ITPR2: variants seen among roughly 807,000 people sequenced by gnomAD.
ITPR2 encodes the protein inositol 1,4,5-trisphosphate receptor type 2.
ITPR2 carries 207 observed loss-of-function variants against 317.1 expected under a neutral mutation model. That is an observed-to-expected ratio of 0.65 (90% confidence interval 0.58 to 0.73). The LOEUF is 0.73. Ranked by LOEUF, ITPR2 falls within the 30% of genes least tolerant of loss-of-function variation. The pLI, the probability that ITPR2 is intolerant of heterozygous loss-of-function variation, is 0.00. For synonymous variants in ITPR2, 1,156 were observed against 1,149.1 expected (o/e 1.01, Z -0.12); for missense variants, 2,613 against 3,284.0 (o/e 0.80, Z 4.99).
rs767109803 is a variant in ITPR2 at position 26,487,258 on chromosome 12, G to C, written c.5371-7C>G. The C allele has an allele frequency of 6.3e-7, 1 of 1,582,698 alleles. No individual in the cohort carries two copies. ...ACTGCTGGTAGAAAGAATACTGCAA[G>C]AAAACATATTTTAAGACATCAATAC... On this transcript the variant is annotated splice_polypyrimidine_tract_variant and splice_region_variant and intron_variant, in intron 39 of 56. Coordinates refer to ENST00000381340, the MANE Select transcript of ITPR2 (RefSeq NM_002223.4).
At position 26,486,906 on chromosome 12, in the gene ITPR2, GT is replaced by G. The variant is rs763544821; in HGVS notation, c.5554+161del. The G allele has an allele frequency of 6.7e-6, 5 of 743,668 alleles. No individual in the cohort carries two copies. The South Asian group carries it at 7.2e-5, about 11-fold the overall frequency. 46.1% of individuals were successfully genotyped at this position (743,668 alleles called of 1,614,324 possible). A position where few individuals can be genotyped will look rare whatever the true frequency, so the allele number is the denominator to read the frequency against. On this transcript the variant is annotated intron_variant, in intron 40 of 56. Transcript: ENST00000381340. ...CATTTAAGTTTAGTCCTGCAGAGCC[GT>G]TTTAGGGTCACCCCATGACCAAAAT...
At chr12:26,773,981 A>ATTTTTT in intron 2 of ITPR2, among the ~76,000 whole-genome samples, 1 of 91,392 alleles carries the variant, frequency 1.1e-5, no homozygotes, top group Non-Finnish European at 2.1e-5. Flanking sequence ...CAACTGGAGA[A>ATTTTTT]TTTTTTTTTT....
chr12:26,377,198 C>T (rs919193974), intron 55 of ITPR2, among the ~76,000 whole-genome samples: 3 of 152,150 alleles, frequency 2.0e-5, no homozygotes, highest in South Asian at 2.1e-4. Context: ...AGCATCCAGG[C>T]ATGACCTCCA....
intron 26 of ITPR2, among the ~76,000 whole-genome samples, chr12:26,617,424 AG>A (rs1190530344): frequency 6.6e-6 from 1 of 152,190 alleles, no homozygotes; most frequent in African/African-American, 2.4e-5. Context: ...CAGTAGTCAA[AG>A]TCTTTCCCCA....
At chr12:26,682,524 T>C in intron 12 of ITPR2, 50 bp downstream of exon 12, 5 of 1,138,706 alleles carry the variant, frequency 4.4e-6, no homozygotes, top group Non-Finnish European at 6.6e-6. Flanking sequence ...ATCCTAATCC[T>C]ATTCTCATGG....
At chr12:26,569,819 G>A (rs1187005278) in intron 34 of ITPR2, among the ~76,000 whole-genome samples, 2 of 152,118 alleles carry the variant, frequency 1.3e-5, no homozygotes, top group Non-Finnish European at 2.9e-5. Context: ...ACGCACTGAA[G>A]AAGAAAGACA....
At chr12:26,583,856 A>G (rs1274330805) in intron 32 of ITPR2, among the ~76,000 whole-genome samples, 1 of 152,184 alleles carries the variant, frequency 6.6e-6, no homozygotes, top group Non-Finnish European at 1.5e-5. Flanking sequence ...ACAACTTGAA[A>G]CAACCAAGTC....
chr12:26,385,165 C>T (rs905319706), intron 55 of ITPR2, among the ~76,000 whole-genome samples: 1 of 152,162 alleles, frequency 6.6e-6, no homozygotes, highest in African/African-American at 2.4e-5. Flanking sequence ...GACCACCCAG[C>T]AGATAAGAGA....
In ITPR2 at chr12:26,516,299, A is replaced by AGGG. The variant is rs1211401021; in HGVS notation, c.5074-21040_5074-21039insCCC. On this transcript the variant is annotated intron_variant, in intron 37 of 56. Coordinates refer to ENST00000381340, the MANE Select transcript of ITPR2 (RefSeq NM_002223.4). ...AGGGAAGGGAAGGGAAAGGAAAGGA[A>AGGG]AGGAAAGGAAAGGAAAGGAAAGGAA... is the stretch of plus-strand genomic sequence containing the variant. Among the ~76,000 whole-genome samples, 93 of 108,296 alleles carry AGGG rather than the reference A, an allele frequency of 8.6e-4. 3 individuals carry two copies. The highest frequency in any genetic ancestry group is 2.8e-3 in the African/African-American group (83 of 30,034). The allele number at this position is 108,296 out of a possible 152,430, so 71.0% of individuals were successfully genotyped here.
At chr12:26,805,842 T>G (rs1003255786) in intron 1 of ITPR2, among the ~76,000 whole-genome samples, 1 of 151,584 alleles carries the variant, frequency 6.6e-6, no homozygotes, top group Non-Finnish European at 1.5e-5. Context: ...CATTAAGGAA[T>G]GGAAGGCCAG....
chr12:26,774,486 A>C (rs1365593463), intron 2 of ITPR2, among the ~76,000 whole-genome samples: 2 of 152,214 alleles, frequency 1.3e-5, no homozygotes, highest in African/African-American at 2.4e-5. Flanking sequence ...AGAAAAGTTA[A>C]TTAAATAATT....
At chr12:26,364,277 C>T (rs377581950) in intron 55 of ITPR2, among the ~76,000 whole-genome samples, 5 of 152,234 alleles carry the variant, frequency 3.3e-5, no homozygotes, top group South Asian at 4.1e-4. Flanking sequence ...ATTTATCAAT[C>T]GTATTGATGG....
chr12:26,522,691 C>A (rs556408868), intron 37 of ITPR2, among the ~76,000 whole-genome samples: 2 of 152,260 alleles, frequency 1.3e-5, no homozygotes, highest in South Asian at 4.1e-4. Flanking sequence ...TTTAGATAAT[C>A]TATTAAATTG....
chr12:26,817,529 T>C lies in ITPR2; in HGVS notation c.92+15161A>G, dbSNP rs185227281. Reference sequence around the variant, plus strand: ...TTTGGTGCAGGCTGCTGTGTATCAATTCCTCCTCTGCCTGCCATTTTCAGC... The same window carrying C: ...TTTGGTGCAGGCTGCTGTGTATCAACTCCTCCTCTGCCTGCCATTTTCAGC... On this transcript the variant is annotated intron_variant, in intron 1 of 56. Transcript: ENST00000381340. Among the ~76,000 whole-genome samples the C allele has an allele frequency of 9.3e-3, 1,413 of 152,322 alleles. 15 individuals carry two copies. The highest frequency in any genetic ancestry group is 0.032 in the African/African-American group (1,322 of 41,572).
At chr12:26,380,258 T>C (rs140554968) in intron 55 of ITPR2, among the ~76,000 whole-genome samples, 11 of 152,254 alleles carry the variant, frequency 7.2e-5, no homozygotes, top group African/African-American at 2.4e-4. Flanking sequence ...CACAAACTAA[T>C]AAGAGGAATA....
intron 45 of ITPR2, among the ~76,000 whole-genome samples, chr12:26,459,994 A>G (rs950899112): frequency 6.6e-6 from 1 of 152,088 alleles, no homozygotes; most frequent in East Asian, 1.9e-4. Context: ...CAACTAGCCA[A>G]CTCTATACCT....
intron 55 of ITPR2, among the ~76,000 whole-genome samples, chr12:26,364,850 C>T (rs1011014568): frequency 3.9e-5 from 6 of 152,152 alleles, no homozygotes; most frequent in African/African-American, 1.4e-4. Flanking sequence ...CTGACGGCCT[C>T]TAGGATGAGT....
At chr12:26,588,851 T>G (rs1187260852) in intron 32 of ITPR2, among the ~76,000 whole-genome samples, 1 of 152,240 alleles carries the variant, frequency 6.6e-6, no homozygotes, top group Non-Finnish European at 1.5e-5. Flanking sequence ...TCTAATTTCA[T>G]TCTGCTAGTA....
At chr12:26,676,749 A>G (rs760492455) in intron 13 of ITPR2, among the ~76,000 whole-genome samples, 7 of 151,886 alleles carry the variant, frequency 4.6e-5, no homozygotes, top group East Asian at 1.9e-4. Flanking sequence ...AACTAGTGAA[A>G]TAAGATTAAA....
Sources: gnomAD v4.1 joint callset for allele counts (sites outside exome capture counted in the v4.1 genomes callset) on GRCh38, gnomAD v4.1.1 for gene constraint, MANE v1.5 for transcripts, NCBI Gene and HGNC (gene_info 2026-07-23, HGNC 2026-07-21) for gene names.